NRXN1: variants seen among roughly 807,000 people sequenced by gnomAD.
NRXN1 encodes neurexin-1.
Under a neutral mutation model 150.9 loss-of-function variants are expected in NRXN1, and 39 were observed. The observed-to-expected ratio is 0.26, with a 90% CI of 0.20 to 0.34. The LOEUF (loss-of-function observed/expected upper bound fraction) is 0.34. NRXN1 is among the 10% of genes least tolerant of loss of function. NRXN1 has a pLI of 1.00. For synonymous variants in NRXN1, 924 were observed against 757.0 expected (o/e 1.22, Z -3.62); for missense variants, 1,815 against 1,949.9 (o/e 0.93, Z 1.30).
chr2:50,807,200 T>C (rs778093137), intron 5 of NRXN1, among the ~76,000 whole-genome samples: 3 of 152,218 alleles, frequency 2.0e-5, no homozygotes, highest in South Asian at 4.1e-4. Flanking sequence ...AAAGAAGACA[T>C]AAAGATATAA....
At chr2:50,977,849 A>C (rs559496235) in intron 2 of NRXN1, among the ~76,000 whole-genome samples, 33 of 151,836 alleles carry the variant, frequency 2.2e-4, no homozygotes, top group Non-Finnish European at 2.4e-4. Context: ...TCATTCAAAA[A>C]ATGTTTAATC....
chr2:50,274,139 A>G lies in NRXN1; in HGVS notation c.3365-37169T>C, dbSNP rs112732224. Among the ~76,000 whole-genome samples the G allele has an allele frequency of 4.7e-3, 722 of 152,320 alleles. 9 individuals are homozygous for G. The highest frequency in any genetic ancestry group is 0.016 in the African/African-American group (669 of 41,570). On this transcript the variant is annotated intron_variant, in intron 17 of 22. Coordinates refer to ENST00000401669, the MANE Select transcript of NRXN1 (RefSeq NM_001330078.2). ...TTGGCACCAACCGAAATGTCCATCAATGACAGACTGGATAAAGAAGATGTG... is the reference window on the plus strand; with the variant it reads ...TTGGCACCAACCGAAATGTCCATCAGTGACAGACTGGATAAAGAAGATGTG...
intron 10 of NRXN1, among the ~76,000 whole-genome samples, chr2:50,535,520 T>C (rs1357776406): frequency 6.6e-6 from 1 of 152,214 alleles, no homozygotes; most frequent in Non-Finnish European, 1.5e-5. Context: ...TAACAAACAG[T>C]ATAAAGCAGA....
chr2:50,219,968 TA>T (rs1217304899), intron 18 of NRXN1, among the ~76,000 whole-genome samples: 3 of 52,968 alleles, frequency 5.7e-5, no homozygotes, highest in African/African-American at 3.4e-4. Flanking sequence ...ATATATTATA[TA>T]TATATAATAT....
intron 18 of NRXN1, among the ~76,000 whole-genome samples, chr2:50,135,523 C>G (rs771614033): frequency 1.3e-5 from 2 of 151,988 alleles, no homozygotes; most frequent in African/African-American, 2.4e-5. Context: ...AAACCCATCT[C>G]TACTAAAAAT....
At chr2:50,517,880 C>A (rs1433244608) in intron 12 of NRXN1, among the ~76,000 whole-genome samples, 2 of 152,116 alleles carry the variant, frequency 1.3e-5, no homozygotes, top group South Asian at 2.1e-4. Flanking sequence ...TAAATGATAG[C>A]AAACTTATTC....
At chr2:50,102,463 G>A (rs1255964678) in intron 18 of NRXN1, among the ~76,000 whole-genome samples, 1 of 151,992 alleles carries the variant, frequency 6.6e-6, no homozygotes, top group Non-Finnish European at 1.5e-5. Context: ...CAATATTTAT[G>A]TACTTATTCA....
intron 19 of NRXN1, among the ~76,000 whole-genome samples, chr2:50,071,962 G>A (rs1406952925): frequency 6.6e-6 from 1 of 152,040 alleles, no homozygotes; most frequent in Non-Finnish European, 1.5e-5. Flanking sequence ...TACAGTCCTG[G>A]TAATTAGTAC....
In NRXN1 at chr2:50,902,447, G is replaced by A. The variant is rs571600132; in HGVS notation, c.832+19422C>T. On this transcript the variant is annotated intron_variant, in intron 5 of 22. Coordinates refer to ENST00000401669, the MANE Select transcript of NRXN1 (RefSeq NM_001330078.2). ...TCTACATAAAAAAATTCTAAATGCA[G>A]GATTTTCATAACTCTAAACCAGAAA... Among the ~76,000 whole-genome samples, 22 of 151,892 alleles carry A rather than the reference G, an allele frequency of 1.4e-4. No individual in the cohort carries two copies. The East Asian group carries it at 3.9e-3, about 27-fold the overall frequency.
At chr2:51,006,967 C>G (rs1700804148) in intron 2 of NRXN1, among the ~76,000 whole-genome samples, 1 of 151,662 alleles carries the variant, frequency 6.6e-6, no homozygotes, top group South Asian at 2.1e-4. Context: ...TGTCTATATT[C>G]ACCTATAATC....
At chr2:50,487,832 G>A (rs561894893) in intron 15 of NRXN1, among the ~76,000 whole-genome samples, 201 of 152,274 alleles carry the variant, frequency 1.3e-3, no homozygotes, top group African/African-American at 4.8e-3. Context: ...AGATCTAGAT[G>A]AGTCTGGTTA....
intron 8 of NRXN1, among the ~76,000 whole-genome samples, chr2:50,585,472 G>A (rs1224597322): frequency 2.0e-5 from 3 of 152,038 alleles, no homozygotes; most frequent in East Asian, 3.9e-4. Flanking sequence ...TATACTTAAC[G>A]CTAATGAATT....
At chr2:50,504,245 G>A (rs891783626) in intron 13 of NRXN1, among the ~76,000 whole-genome samples, 1 of 151,738 alleles carries the variant, frequency 6.6e-6, no homozygotes, top group Non-Finnish European at 1.5e-5. Context: ...GACAAAGCTG[G>A]AATATGGATT....
chr2:50,096,980 G>T (rs535680213), intron 18 of NRXN1, among the ~76,000 whole-genome samples: 1 of 152,286 alleles, frequency 6.6e-6, no homozygotes, highest in South Asian at 2.1e-4. Flanking sequence ...GCATGTTACA[G>T]ATGCATATAT....
At position 50,470,535 on chromosome 2, in the gene NRXN1, TA is replaced by T. The variant is rs751742729; in HGVS notation, c.3244+1762del. ...GAGGAAAAAAATGTATTTTCAAATA[TA>T]AAATTTCCATGTACTTAAGTAATTG... On this transcript the variant is annotated intron_variant, in intron 16 of 22. Coordinates refer to ENST00000401669, the MANE Select transcript of NRXN1 (RefSeq NM_001330078.2). 1.6e-4 allele frequency among the ~76,000 whole-genome samples: 25 copies of T among 151,982 alleles called. No homozygotes were observed. In the East Asian group the frequency reaches 2.5e-3, roughly 15 times the overall value.
chr2:50,657,536 T>C (rs191705377), intron 5 of NRXN1, among the ~76,000 whole-genome samples: 3 of 152,130 alleles, frequency 2.0e-5, no homozygotes, highest in East Asian at 1.9e-4. Context: ...AATGATGCCA[T>C]ACTCATGATA....
intron 17 of NRXN1, among the ~76,000 whole-genome samples, chr2:50,376,967 T>C (rs1403346351): frequency 6.6e-6 from 1 of 152,000 alleles, no homozygotes; most frequent in Non-Finnish European, 1.5e-5. Flanking sequence ...CTTTTCTTTT[T>C]TTTTTTAAAT....
At chr2:50,358,016 G>A (rs2078941942) in intron 17 of NRXN1, among the ~76,000 whole-genome samples, 1 of 152,088 alleles carries the variant, frequency 6.6e-6, no homozygotes, top group African/African-American at 2.4e-5. Flanking sequence ...AGCCGGTGAG[G>A]GACTGTGCCA....
chr2:50,587,135 C>T (rs1163489153), intron 8 of NRXN1, among the ~76,000 whole-genome samples: 2 of 152,418 alleles, frequency 1.3e-5, no homozygotes, highest in South Asian at 4.1e-4. Context: ...GGTTTTGCTG[C>T]AAACCTACTT....
Sources: gnomAD v4.1 joint callset for allele counts (sites outside exome capture counted in the v4.1 genomes callset) on GRCh38, gnomAD v4.1.1 for gene constraint, MANE v1.5 for transcripts, NCBI Gene and HGNC (gene_info 2026-07-23, HGNC 2026-07-21) for gene names.